UBE4B: variants seen among roughly 807,000 people sequenced by gnomAD.
UBE4B encodes ubiquitin conjugation factor E4 B.
A neutral mutation model predicts 148.1 loss-of-function variants in UBE4B; 27 were observed. That is an observed-to-expected ratio of 0.18 (90% confidence interval 0.13 to 0.25). UBE4B has a LOEUF of 0.25. Ranked by LOEUF, UBE4B falls within the 10% of genes least tolerant of loss-of-function variation. UBE4B has a pLI of 1.00. For synonymous variants in UBE4B, 596 were observed against 619.3 expected (o/e 0.96, Z 0.56); for missense variants, 1,170 against 1,662.4 (o/e 0.70, Z 5.15).
At chr1:10,050,543 T>C (rs1485965206) in intron 1 of UBE4B, among the ~76,000 whole-genome samples, 3 of 152,206 alleles carry the variant, frequency 2.0e-5, no homozygotes, top group Non-Finnish European at 2.9e-5. Context: ...CCACACTGCA[T>C]TGAATTATTT....
chr1:10,123,245 G>C (rs1645438200), intron 10 of UBE4B, among the ~76,000 whole-genome samples: 1 of 151,832 alleles, frequency 6.6e-6, no homozygotes, highest in East Asian at 1.9e-4. Flanking sequence ...AGCCTGGCCA[G>C]CGTGGTGAAA....
At position 10,161,054 on chromosome 1, in the gene UBE4B, T is replaced by TG; in HGVS notation, c.3054-85dup. On this transcript the variant is annotated intron_variant, in intron 22 of 27. Coordinates refer to ENST00000343090, the MANE Select transcript of UBE4B (RefSeq NM_001105562.3). The surrounding 1 kb of genome is among the most constrained non-coding windows in gnomAD (Gnocchi z 4.1). ...CTTTTAGGGTGAGATAGTTGCAGTCTGGGTGGAGGTGCTTGTTCCCTGGGA... is the reference window on the plus strand; with the variant it reads ...CTTTTAGGGTGAGATAGTTGCAGTCTGGGGTGGAGGTGCTTGTTCCCTGGGA... The TG allele has an allele frequency of 6.8e-7, 1 of 1,472,520 alleles. No homozygotes were observed. The highest frequency in any genetic ancestry group is 1.3e-5 in the South Asian group (1 of 78,712). 91.2% of individuals were successfully genotyped at this position (1,472,520 alleles called of 1,614,324 possible).
At chr1:10,078,338 G>A (rs1201996049) in intron 2 of UBE4B, among the ~76,000 whole-genome samples, 1 of 152,100 alleles carries the variant, frequency 6.6e-6, no homozygotes, top group Non-Finnish European at 1.5e-5. Flanking sequence ...TTAAAATGTA[G>A]GGCTTACTGC....
chr1:10,149,982 T>A lies in UBE4B; in HGVS notation c.2690+700T>A, dbSNP rs535614352. 5.9e-5 allele frequency among the ~76,000 whole-genome samples: 9 copies of A among 151,988 alleles called. 2 individuals are homozygous for A. Among genetic ancestry groups the A allele is most frequent in the East Asian group, 3.9e-4 (2 of 5,188 alleles). On this transcript the variant is annotated intron_variant, in intron 20 of 27. Transcript: ENST00000343090. ...AGCAAGTCTGCATCTCTTTAAAAAA[T>A]AAATAAATAAATAGTATAGGTCCCC...
In UBE4B at chr1:10,106,280, G is replaced by A. The variant is rs772153110; in HGVS notation, c.893G>A (p.Arg298His). The A allele has an allele frequency of 5.2e-5, 84 of 1,613,858 alleles. No individual in the cohort carries two copies. The highest frequency in any genetic ancestry group is 2.2e-4 in the East Asian group (10 of 44,884). Residue 298 changes from arginine to histidine, a missense_variant, in exon 7 of 28, where the codon CGT becomes CAT. Transcript: ENST00000343090. This position sits in a 1 kb window ranked among gnomAD's most constrained non-coding sequence, Gnocchi z 4.2. ...GGCCCGTCTCTTGCCTCACCTTCCCGTGCAGCCAGCCAGTTGGCTGTGCCT... is the reference window on the plus strand; with the variant it reads ...GGCCCGTCTCTTGCCTCACCTTCCCATGCAGCCAGCCAGTTGGCTGTGCCT... ...VMGPSLASPS[R>H]AASQLAVPST... is the part of the protein sequence containing the mutation.
intron 24 of UBE4B, 45 bp from the exon 25 acceptor site, chr1:10,171,093 T>G: frequency 4.5e-6 from 7 of 1,557,102 alleles, no homozygotes; most frequent in Non-Finnish European, 6.1e-6. Flanking sequence ...TCCTTTTCAC[T>G]TGTCTCAACA....
intron 1 of UBE4B, among the ~76,000 whole-genome samples, chr1:10,037,025 T>C (rs907125404): frequency 1.3e-5 from 2 of 152,102 alleles, no homozygotes; most frequent in African/African-American, 4.8e-5. Flanking sequence ...AGAATTCTTG[T>C]GCTTTTTAAA....
chr1:10,161,177 T>C lies in UBE4B; in HGVS notation c.3089T>C (p.Leu1030Ser). 1 of 1,614,174 alleles carries C rather than the reference T, an allele frequency of 6.2e-7. No individual in the cohort carries two copies. Among genetic ancestry groups the C allele is most frequent in the Non-Finnish European group, 8.5e-7 (1 of 1,180,020 alleles). ...CAGTTTGTTCGCTATATAAACATGT[T>C]GATAAACGACACGACGTTTTTGCTC... ...GKQFVRYINM[L>S]INDTTFLLDE... The change falls in exon 23 of 28, where the codon TTG (leucine) becomes TCG (serine). Residue 1030 changes from leucine to serine, a missense_variant. By Grantham distance (145) the Leu-to-Ser change is moderately radical. Coordinates refer to ENST00000343090, the MANE Select transcript of UBE4B (RefSeq NM_001105562.3). The surrounding 1 kb of genome is among the most constrained non-coding windows in gnomAD (Gnocchi z 4.1).
intron 17 of UBE4B, among the ~76,000 whole-genome samples, chr1:10,138,789 A>G (rs1254272898): frequency 6.6e-6 from 1 of 152,164 alleles, no homozygotes; most frequent in East Asian, 1.9e-4. Context: ...TTATTTCAAT[A>G]GTTAGTTCCC....
At chr1:10,041,588 G>A (rs1643768360) in intron 1 of UBE4B, among the ~76,000 whole-genome samples, 1 of 151,998 alleles carries the variant, frequency 6.6e-6, no homozygotes, top group Non-Finnish European at 1.5e-5. Flanking sequence ...CCCCGCCTCG[G>A]CCTTCCAAAG....
rs1404384677 is a variant in UBE4B, at chr1:10,107,477, G to A, written c.1196+894G>A. 3.4e-6 allele frequency: 4 copies of A among 1,180,180 alleles called. No individual in the cohort carries two copies. In the African/African-American group the frequency reaches 6.4e-5, roughly 19 times the overall value. The allele number at this position is 1,180,180 out of a possible 1,614,324, so 73.1% of individuals were successfully genotyped here. ...CGTGCTTTGAATCCAGGCAGGATAG[G>A]GTCAAATGAGGTGGGCTCCAGAGTA... is the stretch of plus-strand genomic sequence containing the variant. On this transcript the variant is annotated intron_variant, in intron 7 of 27. Coordinates refer to ENST00000343090, the MANE Select transcript of UBE4B (RefSeq NM_001105562.3).
chr1:10,131,212 C>T (rs574890175), intron 14 of UBE4B, among the ~76,000 whole-genome samples: 2 of 152,216 alleles, frequency 1.3e-5, no homozygotes, highest in Admixed American at 6.5e-5. Flanking sequence ...TGTGATGGCT[C>T]ATGCCTGTAA....
chr1:10,126,949 T>G lies in UBE4B; in HGVS notation c.1638+72T>G, dbSNP rs1020457898. ...TTTCAGATTATTTTGACATATACTT[T>G]TCTTTCAGGTCCATGAGATCAACCT... On this transcript the variant is annotated intron_variant, in intron 11 of 27. Coordinates refer to ENST00000343090, the MANE Select transcript of UBE4B (RefSeq NM_001105562.3). 6.2e-5 allele frequency: 81 copies of G among 1,308,908 alleles called. 1 individual carries two copies. The Middle Eastern group carries it at 1.8e-3, about 30-fold the overall frequency. 81.1% of individuals were successfully genotyped at this position (1,308,908 alleles called of 1,614,324 possible).
intron 2 of UBE4B, among the ~76,000 whole-genome samples, chr1:10,085,653 GT>G (rs200027493): frequency 1.5e-4 from 23 of 151,618 alleles, no homozygotes; most frequent in Admixed American, 2.6e-4. Flanking sequence ...AGGGTTATAG[GT>G]TTTTTTTTAA....
chr1:10,158,738 G>A (rs1410187405), intron 22 of UBE4B, among the ~76,000 whole-genome samples: 1 of 152,194 alleles, frequency 6.6e-6, no homozygotes, highest in African/African-American at 2.4e-5. Context: ...GCAGGGCGTG[G>A]TGGCTCACGC....
At chr1:10,130,676 G>T in intron 13 of UBE4B, 39 bp from the exon 14 acceptor site, 1 of 1,612,524 alleles carries the variant, frequency 6.2e-7, no homozygotes, top group Non-Finnish European at 8.5e-7. Flanking sequence ...TCCCAAATGT[G>T]CATTATATGT....
intron 3 of UBE4B, among the ~76,000 whole-genome samples, chr1:10,100,243 C>G (rs1226617481): frequency 1.3e-5 from 2 of 152,190 alleles, no homozygotes; most frequent in African/African-American, 2.4e-5. Context: ...CCCACCTCGG[C>G]CTCCCAAAGT....
At chr1:10,052,761 T>C (rs971981623) in intron 1 of UBE4B, among the ~76,000 whole-genome samples, 4 of 152,220 alleles carry the variant, frequency 2.6e-5, no homozygotes, top group African/African-American at 9.6e-5. Flanking sequence ...CCTGGGTAGA[T>C]GTCGTAGTTC....
chr1:10,162,739 T>C (rs897247972), intron 23 of UBE4B, among the ~76,000 whole-genome samples: 8 of 150,964 alleles, frequency 5.3e-5, no homozygotes, highest in African/African-American at 2.0e-4. Context: ...ACCCAGGGAG[T>C]GAGCATAATA....
Sources: allele counts gnomAD v4.1 joint callset (sites outside exome capture counted in the v4.1 genomes callset), GRCh38; gene constraint gnomAD v4.1.1; non-coding constraint Gnocchi (gnomAD v3.1); transcripts MANE v1.5; gene names NCBI Gene and HGNC (gene_info 2026-07-23, HGNC 2026-07-21).